Variants in RTL4 observed in about 807,000 individuals in gnomAD.
RTL4 encodes the protein retrotransposon Gag like 4.
Under a neutral mutation model 5.3 loss-of-function variants are expected in RTL4, and 4 were observed. That is an observed-to-expected ratio of 0.75 (90% CI 0.37 to 1.72). The LOEUF is 1.72. Ranked by LOEUF, RTL4 falls within the 40% of genes most tolerant of loss-of-function variation. The probability of loss-of-function intolerance (pLI) is 0.04; values close to 1 mark genes in which losing one functional copy is unlikely to be tolerated. For synonymous variants in RTL4, 98 were observed against 87.3 expected, an observed-to-expected ratio of 1.12 and a Z score of -0.68; for missense variants, 260 against 227.1, an observed-to-expected ratio of 1.14 and a Z score of -0.93.
the RTL4 span, among the ~76,000 whole-genome samples, chrX:112,409,646 G>A: frequency 5.5e-5 from 6 of 109,152 alleles, no homozygotes; most frequent in African/African-American, 6.7e-5. Flanking sequence ...ACTTGAACCC[G>A]GGAGGTGGAG....
the RTL4 span, among the ~76,000 whole-genome samples, chrX:112,285,450 A>C: frequency 1.8e-5 from 2 of 111,662 alleles, no homozygotes; most frequent in African/African-American, 6.5e-5. Flanking sequence ...GAATATTCAG[A>C]GTTTCCCTCT....
chrX:112,092,282 G>T, the RTL4 span, among the ~76,000 whole-genome samples: 7 of 111,320 alleles, frequency 6.3e-5, no homozygotes, highest in Admixed American at 1.9e-4. Context: ...AATATTTTTT[G>T]TTCTTCAATT....
At chrX:112,380,049 C>T in the RTL4 span, among the ~76,000 whole-genome samples, 1 of 111,355 alleles carries the variant, frequency 9.0e-6, no homozygotes, top group Non-Finnish European at 1.9e-5. Context: ...TTGGCTTTTC[C>T]AAAATGTCAT....
the RTL4 span, among the ~76,000 whole-genome samples, chrX:112,386,311 C>T: frequency 8.9e-6 from 1 of 111,795 alleles, no homozygotes. Context: ...GGACCAAAGT[C>T]ACCCTTTTGT....
chrX:112,115,022 A>G, the RTL4 span, among the ~76,000 whole-genome samples: 1 of 110,904 alleles, frequency 9.0e-6, no homozygotes, highest in African/African-American at 3.3e-5. Context: ...TTTGGGTCAA[A>G]TTGGTCCCAA....
the RTL4 span, among the ~76,000 whole-genome samples, chrX:112,229,783 C>T: frequency 7.1e-5 from 8 of 112,224 alleles, no homozygotes; most frequent in Non-Finnish European, 1.1e-4. Context: ...TTGGAGTTTA[C>T]TGGAGGTCCA....
chrX:112,218,860 G>A, the RTL4 span, among the ~76,000 whole-genome samples: 1 of 112,190 alleles, frequency 8.9e-6, no homozygotes, highest in African/African-American at 3.2e-5. Context: ...GATTGACTTT[G>A]TCCAGGATTT....
chrX:112,178,129 A>C, the RTL4 span, among the ~76,000 whole-genome samples: 358 of 111,085 alleles, frequency 3.2e-3, 2 homozygotes, highest in African/African-American at 0.011. Context: ...GAAGGTAGGA[A>C]ATCCAATCAA....
the RTL4 span, among the ~76,000 whole-genome samples, chrX:112,088,000 CTT>C: frequency 2.0e-5 from 2 of 99,004 alleles, no homozygotes; most frequent in Admixed American, 2.2e-4. Flanking sequence ...AAAACATTTT[CTT>C]TTTTTTTTTT....
At chrX:112,446,198 AAT>A in the RTL4 span, among the ~76,000 whole-genome samples, 1 of 112,245 alleles carries the variant, frequency 8.9e-6, no homozygotes, top group African/African-American at 3.2e-5. Flanking sequence ...GGTGGTTGAA[AAT>A]ACCATTATCT....
the RTL4 span, among the ~76,000 whole-genome samples, chrX:112,224,374 C>T: frequency 1.9e-5 from 2 of 107,855 alleles, no homozygotes; most frequent in Non-Finnish European, 3.8e-5. Flanking sequence ...CTGAGTCTTA[C>T]TCTGTCACCC....
At chrX:112,345,482 A>G in the RTL4 span, among the ~76,000 whole-genome samples, 1 of 110,821 alleles carries the variant, frequency 9.0e-6, no homozygotes, top group African/African-American at 3.3e-5. Context: ...TTTTCCAACA[A>G]TTTGTTTATC....
At chrX:112,249,758 CAT>C in the RTL4 span, among the ~76,000 whole-genome samples, 17 of 99,040 alleles carry the variant, frequency 1.7e-4, no homozygotes, top group Admixed American at 2.2e-4. Flanking sequence ...GAGCCAATTA[CAT>C]ATATATATAT....
chrX:112,310,776 A>T, the RTL4 span, among the ~76,000 whole-genome samples: 1 of 79,050 alleles, frequency 1.3e-5, no homozygotes, highest in East Asian at 3.6e-4. Flanking sequence ...ATTATATATA[A>T]TATATATTAA....
the RTL4 span, among the ~76,000 whole-genome samples, chrX:112,113,653 G>A: frequency 4.5e-5 from 5 of 111,856 alleles, no homozygotes; most frequent in Non-Finnish European, 9.4e-5. Context: ...TCATCTGGTT[G>A]TGGGCTCCTG....
At chrX:112,404,246 G>A in the RTL4 span, among the ~76,000 whole-genome samples, 8 of 111,858 alleles carry the variant, frequency 7.2e-5, no homozygotes, top group Admixed American at 4.8e-4. Context: ...TTACATTGTC[G>A]TATTCATATG....
the RTL4 span, among the ~76,000 whole-genome samples, chrX:112,415,482 CA>C: frequency 9.0e-6 from 1 of 110,734 alleles, no homozygotes; most frequent in Non-Finnish European, 1.9e-5. Context: ...ATTTTTTTTA[CA>C]ATCATGAACG....
the RTL4 span, among the ~76,000 whole-genome samples, chrX:112,289,007 G>T: frequency 8.9e-6 from 1 of 111,874 alleles, no homozygotes; most frequent in Non-Finnish European, 1.9e-5. Flanking sequence ...CATAGTATGT[G>T]CTCAATCAAG....
chrX:112,355,913 C>A, the RTL4 span, among the ~76,000 whole-genome samples: 1 of 111,214 alleles, frequency 9.0e-6, no homozygotes, highest in African/African-American at 3.3e-5. Flanking sequence ...CATTTTAGGG[C>A]ACTCATTTTC....
Sources: gnomAD v4.1 joint callset for allele counts (sites outside exome capture counted in the v4.1 genomes callset) on GRCh38, gnomAD v4.1.1 for gene constraint, MANE v1.5 for transcripts, NCBI Gene and HGNC (gene_info 2026-07-23, HGNC 2026-07-21) for gene names.